PRKG1: variants seen among roughly 807,000 people sequenced by gnomAD.
PRKG1 encodes the protein cGMP-dependent protein kinase 1.
Under a neutral mutation model 88.1 loss-of-function variants are expected in PRKG1, and 35 were observed. The observed-to-expected ratio is 0.40, with a 90% CI of 0.30 to 0.53. The LOEUF is 0.53. Among genes scored for constraint, PRKG1 ranks in the 20% least tolerant of loss-of-function variants. The probability of loss-of-function intolerance (pLI) is 0.59; values close to 1 mark genes in which losing one functional copy is unlikely to be tolerated. For synonymous variants in PRKG1, 303 were observed against 292.5 expected, an observed-to-expected ratio of 1.04 and a Z score of -0.37; for missense variants, 540 against 839.8, an observed-to-expected ratio of 0.64 and a Z score of 4.41.
At chr10:51,590,316 C>T (rs571646437) in intron 3 of PRKG1, among the ~76,000 whole-genome samples, 1 of 152,206 alleles carries the variant, frequency 6.6e-6, no homozygotes, top group East Asian at 1.9e-4. Flanking sequence ...AGGCTACCCG[C>T]CCCCCACAAT....
intron 3 of PRKG1, among the ~76,000 whole-genome samples, chr10:51,510,911 T>TTA (rs1554817204): frequency 8.3e-5 from 12 of 144,998 alleles, no homozygotes; most frequent in African/African-American, 3.1e-4. Flanking sequence ...ACCAGCTTAT[T>TTA]TTTTTTTTTT....
chr10:51,850,728 G>C (rs1411666874), intron 4 of PRKG1, among the ~76,000 whole-genome samples: 2 of 152,004 alleles, frequency 1.3e-5, no homozygotes, highest in African/African-American at 4.8e-5. Flanking sequence ...ACGTATAAAA[G>C]ATAAATAACC....
chr10:51,428,617 A>T (rs370786614), intron 2 of PRKG1, among the ~76,000 whole-genome samples: 1 of 152,216 alleles, frequency 6.6e-6, no homozygotes, highest in Non-Finnish European at 1.5e-5. Context: ...CTATGAGTCT[A>T]TAGCATTTTT....
intron 3 of PRKG1, among the ~76,000 whole-genome samples, chr10:51,748,764 T>C (rs1399821753): frequency 6.6e-6 from 1 of 152,216 alleles, no homozygotes; most frequent in Non-Finnish European, 1.5e-5. Context: ...GGTATCTTTA[T>C]GCAGATTTAT....
chr10:52,133,055 A>AT (rs1402532390), intron 7 of PRKG1, among the ~76,000 whole-genome samples: 1 of 151,996 alleles, frequency 6.6e-6, no homozygotes, highest in Non-Finnish European at 1.5e-5. Context: ...CATTCTTTCT[A>AT]TTTTTTTGTA....
chr10:51,139,316 G>A (rs1450528417), intron 1 of PRKG1, among the ~76,000 whole-genome samples: 1 of 152,056 alleles, frequency 6.6e-6, no homozygotes. Flanking sequence ...ACAAATCATT[G>A]GATGACCTCA....
At chr10:51,948,271 G>A (rs531969802) in intron 5 of PRKG1, among the ~76,000 whole-genome samples, 20 of 152,152 alleles carry the variant, frequency 1.3e-4, no homozygotes, top group East Asian at 1.9e-4. Context: ...TTGAAGATAC[G>A]AAAGTGGCTT....
In PRKG1 at chr10:51,229,926, C is replaced by CAAAA. The variant is rs35300789; in HGVS notation, c.478+76615_478+76618dup. On this transcript the variant is annotated intron_variant, in intron 2 of 17. Coordinates refer to ENST00000373980, the MANE Select transcript of PRKG1 (RefSeq NM_006258.4). Reference sequence around the variant, plus strand: ...CCTGGGTTACAGGGTGAGGCGATCTCAAAAAAAAAAAAAAAAAAAAAAGAA... The same window carrying CAAAA: ...CCTGGGTTACAGGGTGAGGCGATCTCAAAAAAAAAAAAAAAAAAAAAAAAAAGAA... Among the ~76,000 whole-genome samples, 95 of 33,520 alleles carry CAAAA rather than the reference C, an allele frequency of 2.8e-3. 3 individuals carry two copies. Among genetic ancestry groups the CAAAA allele is most frequent in the African/African-American group, 7.4e-3 (89 of 12,006 alleles). The allele number at this position is 33,520 out of a possible 152,430, so 22.0% of individuals were successfully genotyped here.
At chr10:51,148,352 T>C (rs1845988992) in intron 1 of PRKG1, 1 of 815,032 alleles carries the variant, frequency 1.2e-6, no homozygotes, top group African/African-American at 1.9e-5. Context: ...AGTGATGTTT[T>C]TGGTTAAAAA....
At chr10:51,066,868 G>A (rs1399343591) in intron 1 of PRKG1, among the ~76,000 whole-genome samples, 1 of 152,008 alleles carries the variant, frequency 6.6e-6, no homozygotes, top group Non-Finnish European at 1.5e-5. Context: ...AGGAAGTAGT[G>A]TTCTTTAGTT....
At chr10:52,185,614 C>T (rs1839178253) in intron 9 of PRKG1, among the ~76,000 whole-genome samples, 1 of 152,178 alleles carries the variant, frequency 6.6e-6, no homozygotes, top group Non-Finnish European at 1.5e-5. Context: ...CTGATATTTA[C>T]CCTCTGTACT....
intron 3 of PRKG1, among the ~76,000 whole-genome samples, chr10:51,675,418 C>A (rs1293587887): frequency 6.6e-6 from 1 of 152,096 alleles, no homozygotes; most frequent in Admixed American, 6.6e-5. Context: ...TATAAAATTG[C>A]AATTTTTATC....
At chr10:51,642,467 C>G (rs1839824379) in intron 3 of PRKG1, among the ~76,000 whole-genome samples, 1 of 152,170 alleles carries the variant, frequency 6.6e-6, no homozygotes, top group African/African-American at 2.4e-5. Context: ...AGTCCTGTCA[C>G]TGAACCTGCT....
At chr10:51,861,499 T>C (rs2154284) in intron 4 of PRKG1, among the ~76,000 whole-genome samples, 115,568 of 151,992 alleles carry the variant, frequency 0.76, 44,393 homozygotes, top group African/African-American at 0.87. Context: ...ACATTAGTTT[T>C]TTCTAGTGCT....
chr10:51,638,372 G>A (rs1013682953), intron 3 of PRKG1, among the ~76,000 whole-genome samples: 2 of 152,202 alleles, frequency 1.3e-5, no homozygotes, highest in African/African-American at 4.8e-5. Flanking sequence ...AGCATGTGGT[G>A]TGTGTAGCTT....
At chr10:51,513,080 A>G (rs1841466102) in intron 3 of PRKG1, among the ~76,000 whole-genome samples, 1 of 151,762 alleles carries the variant, frequency 6.6e-6, no homozygotes, top group South Asian at 2.1e-4. Flanking sequence ...AGTTCATTGT[A>G]GATTCTGGAT....
At chr10:51,676,365 GA>G (rs1564602099) in intron 3 of PRKG1, among the ~76,000 whole-genome samples, 2 of 144,790 alleles carry the variant, frequency 1.4e-5, no homozygotes, top group African/African-American at 5.2e-5. Flanking sequence ...GCCAAACAAA[GA>G]AACCAAACAA....
chr10:51,728,990 C>T (rs1275112639), intron 3 of PRKG1, among the ~76,000 whole-genome samples: 2 of 152,198 alleles, frequency 1.3e-5, no homozygotes, highest in Non-Finnish European at 2.9e-5. Context: ...TTATGATCAT[C>T]TACTATTTAG....
At chr10:51,079,998 G>T (rs537382258) in intron 1 of PRKG1, among the ~76,000 whole-genome samples, 3 of 152,286 alleles carry the variant, frequency 2.0e-5, no homozygotes, top group East Asian at 3.9e-4. Flanking sequence ...AATGAGAATT[G>T]AACCTGAAGT....
Sources: allele counts gnomAD v4.1 joint callset (sites outside exome capture counted in the v4.1 genomes callset), GRCh38; gene constraint gnomAD v4.1.1; transcripts MANE v1.5; gene names NCBI Gene and HGNC (gene_info 2026-07-23, HGNC 2026-07-21).